Variants in FBXL7 observed in about 807,000 individuals in gnomAD.
The protein encoded by FBXL7 is F-box and leucine rich repeat protein 7.
FBXL7 carries 12 observed loss-of-function variants against 38.3 expected under a neutral mutation model. That is an observed-to-expected ratio of 0.31 (90% confidence interval 0.20 to 0.51). The LOEUF (loss-of-function observed/expected upper bound fraction) is 0.51. FBXL7 is among the 20% of genes least tolerant of loss of function. The pLI is 0.98. For missense variants in FBXL7, 567 were observed against 676.4 expected, an observed-to-expected ratio of 0.84 and a Z score of 1.79; for synonymous variants, 297 against 300.9, an observed-to-expected ratio of 0.99 and a Z score of 0.13.
At chr5:15,500,766 C>A in intron 1 of FBXL7, 53 bp downstream of exon 1, 17 of 1,585,692 alleles carry the variant, frequency 1.1e-5, no homozygotes, top group Non-Finnish European at 1.5e-5. Flanking sequence ...CCTCCCCTTT[C>A]CCTCGCCCTC....
Position 15,710,229 on chromosome 5 carries a change from A to G in FBXL7, c.127+94157A>G, listed in dbSNP as rs181463082. ...TTGCAATACGGATAAGATTCTACAT[A>G]TGGCTGAGCCACGCACACCCTCGTT... On this transcript the variant is annotated intron_variant, in intron 2 of 3. Coordinates refer to ENST00000504595, the MANE Select transcript of FBXL7 (RefSeq NM_012304.5). 3.8e-3 allele frequency among the ~76,000 whole-genome samples: 579 copies of G among 152,272 alleles called. 5 individuals carry two copies. The highest frequency in any genetic ancestry group is 5.4e-3 in the Non-Finnish European group (369 of 68,026).
Position 15,905,525 on chromosome 5 carries a change from GT to G in FBXL7, c.128-22354del, listed in dbSNP as rs201820723. On this transcript the variant is annotated intron_variant, in intron 2 of 3. Transcript: ENST00000504595. ...ATAATTAATATGGAAAAATGGTGTT[GT>G]TTTTTTTTTTGTATCTTCAGTCCTC... Among the ~76,000 whole-genome samples, 179 of 141,404 alleles carry G rather than the reference GT, an allele frequency of 1.3e-3. 2 individuals carry two copies. Among genetic ancestry groups the G allele is most frequent in the Middle Eastern group, 7.2e-3 (2 of 276 alleles). 92.8% of individuals were successfully genotyped at this position (141,404 alleles called of 152,430 possible).
At chr5:15,544,120 A>G (rs188912816) in intron 1 of FBXL7, among the ~76,000 whole-genome samples, 78 of 152,340 alleles carry the variant, frequency 5.1e-4, no homozygotes, top group Non-Finnish European at 9.6e-4. Context: ...CTCTGGACAC[A>G]TTGCCGATGG....
intron 2 of FBXL7, among the ~76,000 whole-genome samples, chr5:15,635,862 ATGTGAGAGAGAATGTACTTTGGGCTAC>A (rs1741172666): frequency 6.6e-6 from 1 of 151,272 alleles, no homozygotes; most frequent in African/African-American, 2.4e-5. Flanking sequence ...TCTTGGGACC[ATGTGAGAGAGAATGTACTTTGGGCTAC>A]TGTGGTTCTG....
rs1404568495 is a variant in FBXL7 at position 15,936,348 on chromosome 5, G to T, written c.740-102G>T. ...ACAGGAAAGGGTAACATCAGCCTCG[G>T]ACCCAGACTTGGGCGAGGGTCAGGA... is the stretch of plus-strand genomic sequence containing the variant. On this transcript the variant is annotated intron_variant, in intron 3 of 3. Transcript: ENST00000504595. This position sits in a 1 kb window ranked among gnomAD's most constrained non-coding sequence, Gnocchi z 6.0. The T allele has an allele frequency of 2.8e-6, 4 of 1,425,780 alleles. No individual in the cohort carries two copies. In the African/African-American group the frequency reaches 5.6e-5, roughly 20 times the overall value. 88.3% of individuals were successfully genotyped at this position (1,425,780 alleles called of 1,614,324 possible).
intron 2 of FBXL7, among the ~76,000 whole-genome samples, chr5:15,777,731 A>C (rs1481008230): frequency 3.8e-5 from 5 of 132,728 alleles, no homozygotes; most frequent in African/African-American, 1.4e-4. Flanking sequence ...AAAAAAAAAA[A>C]AAAAAAAAAA....
At chr5:15,676,487 T>C (rs1045694635) in intron 2 of FBXL7, among the ~76,000 whole-genome samples, 5 of 152,374 alleles carry the variant, frequency 3.3e-5, no homozygotes, top group Admixed American at 2.6e-4. Flanking sequence ...TTTTTGTTTT[T>C]GTATTTTTTA....
chr5:15,847,591 T>C (rs1384970841), intron 2 of FBXL7, among the ~76,000 whole-genome samples: 1 of 152,124 alleles, frequency 6.6e-6, no homozygotes, highest in Non-Finnish European at 1.5e-5. Flanking sequence ...GACCTATGCA[T>C]ATGAAAGAAT....
At chr5:15,658,773 TTCC>T (rs1741963994) in intron 2 of FBXL7, among the ~76,000 whole-genome samples, 1 of 152,164 alleles carries the variant, frequency 6.6e-6, no homozygotes, top group Non-Finnish European at 1.5e-5. Flanking sequence ...CACGATGCTT[TTCC>T]ATACAATGTC....
At chr5:15,596,939 C>G (rs896667143) in intron 1 of FBXL7, among the ~76,000 whole-genome samples, 2 of 152,110 alleles carry the variant, frequency 1.3e-5, no homozygotes, top group Admixed American at 6.5e-5. Flanking sequence ...GCCAGTAAAC[C>G]TAAGTAAGTG....
chr5:15,855,179 C>CAT (rs1739219313), intron 2 of FBXL7, among the ~76,000 whole-genome samples: 1 of 152,066 alleles, frequency 6.6e-6, no homozygotes, highest in Non-Finnish European at 1.5e-5. Flanking sequence ...CATTGTATAA[C>CAT]TCTACATATT....
chr5:15,864,699 G>T (rs960333117), intron 2 of FBXL7, among the ~76,000 whole-genome samples: 1 of 152,202 alleles, frequency 6.6e-6, no homozygotes, highest in East Asian at 1.9e-4. Context: ...GGAGGAACCA[G>T]AAAAGTAGTG....
rs16867537 is a variant in FBXL7 at position 15,676,946 on chromosome 5, T to C, written c.127+60874T>C. Among the ~76,000 whole-genome samples the C allele has an allele frequency of 4.9e-3, 743 of 152,346 alleles. 5 individuals are homozygous for C. Among genetic ancestry groups the C allele is most frequent in the African/African-American group, 0.017 (697 of 41,582 alleles). On this transcript the variant is annotated intron_variant, in intron 2 of 3. Coordinates refer to ENST00000504595, the MANE Select transcript of FBXL7 (RefSeq NM_012304.5). ...TACCTGCCATTTTATATTCTTTGATTGGAAAGCCACACATTAAATATGGTT... is the reference window on the plus strand; with the variant it reads ...TACCTGCCATTTTATATTCTTTGATCGGAAAGCCACACATTAAATATGGTT...
chr5:15,683,378 C>T lies in FBXL7; in HGVS notation c.127+67306C>T, dbSNP rs555938160. Among the ~76,000 whole-genome samples, 3 of 152,262 alleles carry T rather than the reference C, an allele frequency of 2.0e-5. No individual in the cohort carries two copies. The East Asian group carries it at 5.8e-4, about 29-fold the overall frequency. ...TGAGGGCTGAGCAGGGACCAGGACC[C>T]GTGTCAGGGAGTCACCTAACCCTGC... is the stretch of plus-strand genomic sequence containing the variant. On this transcript the variant is annotated intron_variant, in intron 2 of 3. Coordinates refer to ENST00000504595, the MANE Select transcript of FBXL7 (RefSeq NM_012304.5).
chr5:15,924,952 A>G (rs562742045), intron 2 of FBXL7, among the ~76,000 whole-genome samples: 2 of 152,082 alleles, frequency 1.3e-5, no homozygotes, highest in Non-Finnish European at 2.9e-5. Context: ...TGTTCTCCTC[A>G]CTGTGAAGGT....
chr5:15,762,793 G>T (rs922584290), intron 2 of FBXL7, among the ~76,000 whole-genome samples: 36 of 152,190 alleles, frequency 2.4e-4, no homozygotes, highest in African/African-American at 7.9e-4. Context: ...TAACATTTTG[G>T]TTGAAACATA....
At chr5:15,720,161 A>C (rs1341297850) in intron 2 of FBXL7, among the ~76,000 whole-genome samples, 1 of 149,102 alleles carries the variant, frequency 6.7e-6, no homozygotes, top group Non-Finnish European at 1.5e-5. Flanking sequence ...CAAACAGTAA[A>C]CCAGTCATTC....
At chr5:15,682,996 C>G (rs1284549074) in intron 2 of FBXL7, among the ~76,000 whole-genome samples, 1 of 152,132 alleles carries the variant, frequency 6.6e-6, no homozygotes, top group Non-Finnish European at 1.5e-5. Flanking sequence ...AACTGTAGCC[C>G]TAATTATCCC....
At chr5:15,625,883 G>C (rs1740799337) in intron 2 of FBXL7, among the ~76,000 whole-genome samples, 1 of 152,020 alleles carries the variant, frequency 6.6e-6, no homozygotes, top group Non-Finnish European at 1.5e-5. Flanking sequence ...CATAGGAATA[G>C]GAATAAAAAG....
Sources: gnomAD v4.1 joint callset for allele counts (sites outside exome capture counted in the v4.1 genomes callset) on GRCh38, gnomAD v4.1.1 for gene constraint, Gnocchi (gnomAD v3.1) non-coding constraint, MANE v1.5 for transcripts, NCBI Gene and HGNC (gene_info 2026-07-23, HGNC 2026-07-21) for gene names.